C12orf43: variants seen among roughly 807,000 people sequenced by gnomAD.
The protein encoded by C12orf43 is protein CUSTOS.
C12orf43 carries 15 observed loss-of-function variants against 20.6 expected under a neutral mutation model. That is an observed-to-expected ratio of 0.73 (90% confidence interval 0.49 to 1.12). The LOEUF (loss-of-function observed/expected upper bound fraction) is 1.12, where lower values mean the gene tolerates loss of function less well. Among genes scored for constraint, C12orf43 ranks in the 50% most tolerant of loss-of-function variants. C12orf43 has a pLI of 0.00. For synonymous variants in C12orf43, 144 were observed against 130.8 expected (o/e 1.10, Z -0.69); for missense variants, 334 against 344.4 (o/e 0.97, Z 0.24).
chr12:121,015,450 G>C (rs941919273), intron 1 of C12orf43, among the ~76,000 whole-genome samples: 11 of 152,180 alleles, frequency 7.2e-5, no homozygotes, highest in Admixed American at 6.5e-4. Flanking sequence ...TCTCTTCTCA[G>C]AGCAATGTTT....
rs1877522157 is a variant in C12orf43 at position 121,001,987 on chromosome 12, G to A, written c.*2166C>T. Reference sequence around the variant, plus strand: ...AAGGCTACTTCGGGGCTGGGAAGTCGTCCTTACTCCTGTGGGAGCCTCGCA... The same window carrying A: ...AAGGCTACTTCGGGGCTGGGAAGTCATCCTTACTCCTGTGGGAGCCTCGCA... On this transcript the variant is annotated 3_prime_UTR_variant, in exon 6 of 6. Transcript: ENST00000288757. 7.5e-6 allele frequency: 4 copies of A among 536,076 alleles called. No individual in the cohort carries two copies. Among genetic ancestry groups the A allele is most frequent in the African/African-American group, 7.4e-5 (4 of 53,924 alleles). 33.2% of individuals were successfully genotyped at this position (536,076 alleles called of 1,614,324 possible).
intron 1 of C12orf43, among the ~76,000 whole-genome samples, chr12:121,014,710 T>C (rs1868742201): frequency 6.7e-6 from 1 of 149,184 alleles, no homozygotes; most frequent in African/African-American, 2.5e-5. Context: ...CCGAGCACAG[T>C]GGCTCACACC....
chr12:121,005,019 G>A lies in C12orf43; in HGVS notation c.436C>T (p.Gln146Ter). The A allele has an allele frequency of 3.9e-6, 6 of 1,541,274 alleles. No homozygotes were observed. Among genetic ancestry groups the A allele is most frequent in the East Asian group, 2.4e-5 (1 of 41,968 alleles). ...EESPQPRRKR[Q>*]PSSSSEDSDE... ...AGTTCTCACCTGGAGCTGGAGGGCT[G>A]TCGCTTTCGGCGGGGTTGGGGAGAC... The change falls in exon 5 of 6, where the codon CAG becomes TAG. Residue 146 changes from glutamine to a stop codon, truncating the protein, a stop_gained. Coordinates refer to ENST00000288757, the MANE Select transcript of C12orf43 (RefSeq NM_022895.3). LOFTEE classifies it low-confidence loss of function (END_TRUNC). This position sits in a 1 kb window ranked among gnomAD's most constrained non-coding sequence, Gnocchi z 5.6.
Position 121,003,955 on chromosome 12 carries a change from C to T in C12orf43, c.*198G>A, listed in dbSNP as rs1877738560. 1 of 629,932 alleles carries T rather than the reference C, an allele frequency of 1.6e-6. No individual in the cohort carries two copies. Among genetic ancestry groups the T allele is most frequent in the African/African-American group, 1.8e-5 (1 of 54,702 alleles). 39.0% of individuals were successfully genotyped at this position (629,932 alleles called of 1,614,324 possible). A position where few individuals can be genotyped will look rare whatever the true frequency, so the allele number is the denominator to read the frequency against. On this transcript the variant is annotated 3_prime_UTR_variant, in exon 6 of 6. Transcript: ENST00000288757. ...CACAGAGGGGCAGGCCTTGATTGGT[C>T]TTCTCACCCTACAGCCACTTTTTTG...
Position 121,014,658 on chromosome 12 carries a change from A to C in C12orf43, c.145+1672T>G, listed in dbSNP as rs1039224937. Among the ~76,000 whole-genome samples, 9 of 150,790 alleles carry C rather than the reference A, an allele frequency of 6.0e-5. No individual in the cohort carries two copies. In the South Asian group the frequency reaches 8.4e-4, roughly 14 times the overall value. Reference sequence around the variant, plus strand: ...AAAAAAAAAATGCAAAAAAAAAAAAAAAACCCCAAAAAACAAACAAACAAA... The same window carrying C: ...AAAAAAAAAATGCAAAAAAAAAAAACAAACCCCAAAAAACAAACAAACAAA... On this transcript the variant is annotated intron_variant, in intron 1 of 5. Coordinates refer to ENST00000288757, the MANE Select transcript of C12orf43 (RefSeq NM_022895.3).
chr12:121,011,474 T>TAA (rs1878468619), intron 1 of C12orf43, among the ~76,000 whole-genome samples: 1 of 148,790 alleles, frequency 6.7e-6, no homozygotes, highest in African/African-American at 2.4e-5. Context: ...GTTATATATA[T>TAA]AACTTAGTTA....
In C12orf43 at chr12:121,004,546, T is replaced by C; in HGVS notation, c.453-57A>G. On this transcript the variant is annotated intron_variant, in intron 5 of 5. Transcript: ENST00000288757. The surrounding 1 kb of genome is among the most constrained non-coding windows in gnomAD (Gnocchi z 5.6). ...TGGAGTCAGGACACAGCCCCAGAGC[T>C]GCCTCTCGCTGTCCTCCCTTGGTCC... is the stretch of plus-strand genomic sequence containing the variant. 6.7e-7 allele frequency: 1 copy of C among 1,484,674 alleles called. No homozygotes were observed. Among genetic ancestry groups the C allele is most frequent in the Non-Finnish European group, 9.0e-7 (1 of 1,109,950 alleles). 92.0% of individuals were successfully genotyped at this position (1,484,674 alleles called of 1,614,324 possible).
At chr12:121,006,262 C>T (rs1878011791) in intron 4 of C12orf43, 59 bp downstream of exon 4, 1 of 1,470,152 alleles carries the variant, frequency 6.8e-7, no homozygotes, top group Non-Finnish European at 9.5e-7. Flanking sequence ...TTTCGCCCAC[C>T]TCCAGACACA....
In C12orf43 at chr12:121,001,218, G is replaced by A. The variant is rs779177521; in HGVS notation, c.*2935C>T. 96 of 1,612,990 alleles carry A rather than the reference G, an allele frequency of 6.0e-5. No homozygotes were observed. The South Asian group carries it at 9.6e-4, about 16-fold the overall frequency. ...CCACGGCACCTGGGCCCTGGGGCCT[G>A]TACTGCCTGCTTGGGGGGTGATGAG... On this transcript the variant is annotated 3_prime_UTR_variant, in exon 6 of 6. Transcript: ENST00000288757.
At chr12:121,011,047 A>C (rs1878416228) in intron 2 of C12orf43, 57 bp downstream of exon 2, 1 of 1,597,626 alleles carries the variant, frequency 6.3e-7, no homozygotes, top group African/African-American at 1.3e-5. Context: ...CATCTGGCAC[A>C]CGCAGGGGAT....
At position 121,004,097 on chromosome 12, in the gene C12orf43, G is replaced by C. The variant is rs748533396; in HGVS notation, c.*56C>G. ...GGGCTTGGAAATGCCTTGTCCCCAG[G>C]GTGGGGGGGACACCTTGTCCTTGGA... On this transcript the variant is annotated 3_prime_UTR_variant, in exon 6 of 6. Transcript: ENST00000288757. The surrounding 1 kb of genome is among the most constrained non-coding windows in gnomAD (Gnocchi z 5.6). 48 of 1,560,776 alleles carry C rather than the reference G, an allele frequency of 3.1e-5. No individual in the cohort carries two copies. In the African/African-American group the frequency reaches 4.6e-4, roughly 15 times the overall value.
At chr12:121,007,752 G>A (rs1364909633) in intron 3 of C12orf43, among the ~76,000 whole-genome samples, 1 of 152,174 alleles carries the variant, frequency 6.6e-6, no homozygotes, top group Non-Finnish European at 1.5e-5. Context: ...TGCCCTCGAG[G>A]CAGACGCAGC....
rs377079528 is a variant in C12orf43, at chr12:121,014,618, G to A, written c.145+1712C>T. The stretch of plus-strand genomic sequence containing the variant: ...GCACTGCAGCCTGGGCAACAAGAGT[G>A]AAACTCCATCTCAAAAAAAAAAAAT... On this transcript the variant is annotated intron_variant, in intron 1 of 5. Transcript: ENST00000288757. 1.9e-4 allele frequency among the ~76,000 whole-genome samples: 16 copies of A among 82,360 alleles called. 2 individuals are homozygous for A. Among genetic ancestry groups the A allele is most frequent in the African/African-American group, 7.2e-4 (15 of 20,866 alleles). 54.0% of individuals were successfully genotyped at this position (82,360 alleles called of 152,430 possible). A position where few individuals can be genotyped will look rare whatever the true frequency, so the allele number is the denominator to read the frequency against.
chr12:121,006,675 C>A, intron 3 of C12orf43: 1 of 365,408 alleles, frequency 2.7e-6, no homozygotes, highest in South Asian at 2.6e-5. Flanking sequence ...TGGTGGCTCA[C>A]GCCTGTAATC....
In C12orf43 at chr12:121,001,929, C is replaced by T. The variant is rs1305595276; in HGVS notation, c.*2224G>A. ...ATTTGTTCCCAAGAGCATCATGCCTCTGAGGCCAGCCTGGCCTCCTGCCTC... is the reference window on the plus strand; with the variant it reads ...ATTTGTTCCCAAGAGCATCATGCCTTTGAGGCCAGCCTGGCCTCCTGCCTC... On this transcript the variant is annotated 3_prime_UTR_variant, in exon 6 of 6. Coordinates refer to ENST00000288757, the MANE Select transcript of C12orf43 (RefSeq NM_022895.3). 1.9e-6 allele frequency: 1 copy of T among 522,136 alleles called. No individual in the cohort carries two copies. Among genetic ancestry groups the T allele is most frequent in the African/African-American group, 1.9e-5 (1 of 53,572 alleles). 32.3% of individuals were successfully genotyped at this position (522,136 alleles called of 1,614,324 possible).
chr12:121,001,317 G>C lies in C12orf43; in HGVS notation c.*2836C>G. Reference sequence around the variant, plus strand: ...GGCCCTTCCTGGACAGCTGTGCCTCGCTCCCCACTCTGCTCTGATGCATCA... The same window carrying C: ...GGCCCTTCCTGGACAGCTGTGCCTCCCTCCCCACTCTGCTCTGATGCATCA... On this transcript the variant is annotated 3_prime_UTR_variant, in exon 6 of 6. Transcript: ENST00000288757. 1.7e-6 allele frequency: 2 copies of C among 1,185,058 alleles called. No homozygotes were observed. The highest frequency in any genetic ancestry group is 2.4e-6 in the Non-Finnish European group (2 of 830,426). The allele number at this position is 1,185,058 out of a possible 1,614,324, so 73.4% of individuals were successfully genotyped here.
chr12:121,011,372 T>C (rs1178362566), intron 1 of C12orf43, among the ~76,000 whole-genome samples: 3 of 148,250 alleles, frequency 2.0e-5, no homozygotes, highest in African/African-American at 7.3e-5. Flanking sequence ...TATAGTTACA[T>C]ATTTTATGTA....
In C12orf43 at chr12:121,001,222, T is replaced by A; in HGVS notation, c.*2931A>T. On this transcript the variant is annotated 3_prime_UTR_variant, in exon 6 of 6. Coordinates refer to ENST00000288757, the MANE Select transcript of C12orf43 (RefSeq NM_022895.3). ...GGCACCTGGGCCCTGGGGCCTGTAC[T>A]GCCTGCTTGGGGGGTGATGAGGGCA... The A allele has an allele frequency of 6.2e-7, 1 of 1,612,708 alleles. No homozygotes were observed. Among genetic ancestry groups the A allele is most frequent in the South Asian group, 1.1e-5 (1 of 90,948 alleles).
chr12:121,007,451 C>T (rs1050919340), intron 3 of C12orf43, among the ~76,000 whole-genome samples: 1 of 152,182 alleles, frequency 6.6e-6, no homozygotes, highest in Non-Finnish European at 1.5e-5. Flanking sequence ...TCCACCTGTG[C>T]AGTGGGAACG....
Sources: allele counts gnomAD v4.1 joint callset (sites outside exome capture counted in the v4.1 genomes callset), GRCh38; gene constraint gnomAD v4.1.1; non-coding constraint Gnocchi (gnomAD v3.1); transcripts MANE v1.5; gene names NCBI Gene and HGNC (gene_info 2026-07-23, HGNC 2026-07-21).